The following SNAI3 variants were observed in gnomAD, a reference collection of about 807,000 sequenced individuals.
The protein encoded by SNAI3 is zinc finger protein SNAI3.
Under a neutral mutation model 16.4 loss-of-function variants are expected in SNAI3, and 21 were observed. That is an observed-to-expected ratio of 1.28 (90% confidence interval 0.91 to 1.85). The LOEUF (loss-of-function observed/expected upper bound fraction) is 1.85, where lower values mean the gene tolerates loss of function less well. Ranked by LOEUF, SNAI3 falls within the 40% of genes most tolerant of loss-of-function variation. The pLI is 0.00. For missense variants in SNAI3, 457 were observed against 372.8 expected (o/e 1.23, Z -1.86); for synonymous variants, 202 against 166.6 (o/e 1.21, Z -1.64).
intron 1 of SNAI3, 49 bp downstream of exon 1, chr16:88,686,282 C>T (rs780125750): frequency 1.3e-5 from 20 of 1,595,302 alleles, no homozygotes; most frequent in East Asian, 4.6e-5. Context: ...TCTCTCCCGC[C>T]CCTCAGGGTC....
intron 2 of SNAI3, among the ~76,000 whole-genome samples, chr16:88,680,656 T>A (rs1567626671): frequency 6.6e-6 from 1 of 152,266 alleles, no homozygotes; most frequent in East Asian, 1.9e-4. Context: ...TGGAGTGCAG[T>A]GGCATGACCA....
intron 1 of SNAI3, among the ~76,000 whole-genome samples, chr16:88,682,836 G>A (rs139865117): frequency 0.034 from 4,566 of 133,240 alleles, 212 homozygotes; most frequent in African/African-American, 0.1. Flanking sequence ...GTGCAGTGGC[G>A]TGATCTCGGT....
At position 88,681,164 on chromosome 16, in the gene SNAI3, G is replaced by C. The variant is rs1276471285; in HGVS notation, c.627C>G (p.Cys209Trp). Reference protein sequence around the residue: ...KMHIRTHTLPCTCKICGKAFS... With the variant: ...KMHIRTHTLPWTCKICGKAFS... The stretch of plus-strand genomic sequence containing the variant: ...AGGCCTTGCCACAGATCTTGCAGGT[G>C]CAGGGCAGCGTGTGAGTGCGGATGT... The change falls in exon 2 of 3, where the codon TGC becomes TGG. Residue 209 changes from cysteine (C) to tryptophan (W), a missense_variant. By Grantham distance (215) the Cys-to-Trp change is radical. Coordinates refer to ENST00000332281, the MANE Select transcript of SNAI3 (RefSeq NM_178310.4). This position sits in a 1 kb window ranked among gnomAD's most constrained non-coding sequence, Gnocchi z 5.4. 6.2e-7 allele frequency: 1 copy of C among 1,613,754 alleles called. No individual in the cohort carries two copies. The highest frequency in any genetic ancestry group is 1.3e-5 in the African/African-American group (1 of 74,938).
chr16:88,683,746 G>A (rs1008967001), intron 1 of SNAI3, among the ~76,000 whole-genome samples: 8 of 151,760 alleles, frequency 5.3e-5, no homozygotes, highest in East Asian at 1.9e-4. Context: ...TAGTAGACGC[G>A]GGTTTTTGCC....
In SNAI3 at chr16:88,681,332, C is replaced by G. The variant is rs1909158731; in HGVS notation, c.459G>C (p.Glu153Asp). Residue 153 changes from glutamate (E) to aspartate (D), a missense_variant, in exon 2 of 3, where the codon GAG (glutamate) becomes GAC (aspartate). Coordinates refer to ENST00000332281, the MANE Select transcript of SNAI3 (RefSeq NM_178310.4). This position sits in a 1 kb window ranked among gnomAD's most constrained non-coding sequence, Gnocchi z 5.4. ...ERMPRAPGGF[E>D]CFHCHKPYHT... ...GGTAGGGTTTGTGGCAGTGGAAGCA[C>G]TCAAAGCCGCCCGGGGCTCGGGGCA... The G allele has an allele frequency of 4.3e-6, 7 of 1,613,036 alleles. No individual in the cohort carries two copies. Among genetic ancestry groups the G allele is most frequent in the Non-Finnish European group, 5.9e-6 (7 of 1,179,762 alleles).
Position 88,678,581 on chromosome 16 carries a change from C to T in SNAI3, c.746G>A (p.Arg249His), listed in dbSNP as rs576263427. ...CSHCSRAFAD[R>H]SNLRAHLQTH... is the part of the protein sequence containing the mutation. ...TTGCAGATGGGCCCGAAGGTTGGAG[C>T]GGTCGGCAAAGGCCCTGCTGCAGTG... The change falls in exon 3 of 3, where the codon CGC becomes CAC. Residue 249 changes from arginine to histidine, a missense_variant. Physicochemically the swap from Arg to His is conservative, Grantham distance 29 (BLOSUM62 0). Transcript: ENST00000332281. The T allele has an allele frequency of 1.5e-5, 14 of 948,902 alleles. No individual in the cohort carries two copies. The highest frequency in any genetic ancestry group is 1.2e-4 in the Admixed American group (7 of 59,214). 58.8% of individuals were successfully genotyped at this position (948,902 alleles called of 1,614,324 possible).
chr16:88,679,854 A>C (rs1297182263), intron 2 of SNAI3, among the ~76,000 whole-genome samples: 1 of 151,924 alleles, frequency 6.6e-6, no homozygotes, highest in Non-Finnish European at 1.5e-5. Flanking sequence ...CCAAGGTGAG[A>C]AAATGGATTG....
At chr16:88,684,925 A>C (rs928718480) in intron 1 of SNAI3, among the ~76,000 whole-genome samples, 6 of 152,236 alleles carry the variant, frequency 3.9e-5, no homozygotes, top group Non-Finnish European at 5.9e-5. Context: ...ATCTTGGCAG[A>C]AAGTTGCCAG....
Position 88,684,589 on chromosome 16 carries a change from G to A in SNAI3, c.76+1742C>T, listed in dbSNP as rs1298524281. Among the ~76,000 whole-genome samples the A allele has an allele frequency of 2.0e-5, 3 of 152,152 alleles. 1 individual carries two copies. The highest frequency in any genetic ancestry group is 3.8e-4 in the East Asian group (2 of 5,196). ...TGGCTCACTGCAACCTCCATCTCCC[G>A]GGTTCAAGTGATTCTCCTACCTCAG... On this transcript the variant is annotated intron_variant, in intron 1 of 2. Coordinates refer to ENST00000332281, the MANE Select transcript of SNAI3 (RefSeq NM_178310.4).
chr16:88,685,549 C>G (rs765656637), intron 1 of SNAI3: 6 of 152,290 alleles, frequency 3.9e-5, no homozygotes, highest in Non-Finnish European at 7.3e-5. Flanking sequence ...GGGGACTGCT[C>G]TCACCGCCCG....
intron 1 of SNAI3, chr16:88,685,537 G>C (rs1429784061): frequency 6.6e-6 from 1 of 152,328 alleles, no homozygotes; most frequent in Non-Finnish European, 1.5e-5. Context: ...GCCAAGCCAG[G>C]TGGGGACTGC....
Position 88,681,470 on chromosome 16 carries a change from G to A in SNAI3, c.321C>T (p.Asp107=), listed in dbSNP as rs1247223328. 6.3e-6 allele frequency: 10 copies of A among 1,585,634 alleles called. No homozygotes were observed. The highest frequency in any genetic ancestry group is 8.6e-6 in the Non-Finnish European group (10 of 1,160,588). The change falls in exon 2 of 3, where the codon GAC becomes GAT. Residue 107 remains aspartate (D), a synonymous_variant. Coordinates refer to ENST00000332281, the MANE Select transcript of SNAI3 (RefSeq NM_178310.4). This position sits in a 1 kb window ranked among gnomAD's most constrained non-coding sequence, Gnocchi z 5.4. ...GGGGCAGGTTGAGGTGGTTCAGGCT[G>A]TCTTTGAGGGGTACAATGGCGGCCC... The part of the protein sequence containing the change: ...ASRAAIVPLK[D]SLNHLNLPPL...
In SNAI3 at chr16:88,681,763, G is replaced by A; in HGVS notation, c.77-49C>T. ...TAGAAAGATGAAGACTGAATCCCCA[G>A]CACTTTGTGTTTTCCAACTCTGATT... On this transcript the variant is annotated intron_variant, in intron 1 of 2. Transcript: ENST00000332281. The surrounding 1 kb of genome is among the most constrained non-coding windows in gnomAD (Gnocchi z 5.4). 1 of 1,376,542 alleles carries A rather than the reference G, an allele frequency of 7.3e-7. No individual in the cohort carries two copies. Among genetic ancestry groups the A allele is most frequent in the East Asian group, 2.6e-5 (1 of 38,986 alleles). The allele number at this position is 1,376,542 out of a possible 1,614,324, so 85.3% of individuals were successfully genotyped here. A position where few individuals can be genotyped will look rare whatever the true frequency, so the allele number is the denominator to read the frequency against.
chr16:88,683,852 G>A (rs1024152436), intron 1 of SNAI3, among the ~76,000 whole-genome samples: 2 of 152,138 alleles, frequency 1.3e-5, no homozygotes, highest in African/African-American at 2.4e-5. Flanking sequence ...CACTGCGCCC[G>A]GCCTGGGCAA....
chr16:88,681,664 G>T lies in SNAI3; in HGVS notation c.127C>A (p.Pro43Thr). 6.8e-7 allele frequency: 1 copy of T among 1,478,492 alleles called. No homozygotes were observed. Among genetic ancestry groups the T allele is most frequent in the Non-Finnish European group, 9.0e-7 (1 of 1,112,170 alleles). 91.6% of individuals were successfully genotyped at this position (1,478,492 alleles called of 1,614,324 possible). The change falls in exon 2 of 3, where the codon CCC (proline) becomes ACC (threonine). Residue 43 changes from proline (P) to threonine (T), a missense_variant. By Grantham distance (38) the Pro-to-Thr change is conservative. Coordinates refer to ENST00000332281, the MANE Select transcript of SNAI3 (RefSeq NM_178310.4). The surrounding 1 kb of genome is among the most constrained non-coding windows in gnomAD (Gnocchi z 5.4). The part of the protein sequence containing the change: ...ACGGLVVPLL[P>T]RDKEAPSVPG... The stretch of plus-strand genomic sequence containing the variant: ...ACAGAAGGGGCCTCCTTGTCTCGGG[G>T]GAGGAGGGGCACCACCAGCCCCCCA...
At chr16:88,684,935 G>C (rs1909304929) in intron 1 of SNAI3, among the ~76,000 whole-genome samples, 1 of 152,210 alleles carries the variant, frequency 6.6e-6, no homozygotes, top group East Asian at 1.9e-4. Context: ...AAAGTTGCCA[G>C]GGCCCCCTGG....
chr16:88,678,805 C>T, intron 2 of SNAI3, 176 bp from the exon 3 acceptor site: 4 of 985,468 alleles, frequency 4.1e-6, no homozygotes, highest in Non-Finnish European at 4.8e-6. Flanking sequence ...GAAGCCCCTC[C>T]CAGGAGCACA....
At chr16:88,679,158 G>T in intron 2 of SNAI3, 2 of 935,534 alleles carry the variant, frequency 2.1e-6, no homozygotes, top group African/African-American at 1.8e-5. Context: ...TCAGCCTGCA[G>T]CCCCTGAGGG....
intron 1 of SNAI3, chr16:88,685,259 G>C (rs8060579): frequency 0.92 from 140,807 of 152,336 alleles, 65,102 homozygotes; most frequent in East Asian, 0.99. Context: ...GGGGGTGACT[G>C]ATGAAACTGA....
Sources: allele counts gnomAD v4.1 joint callset (sites outside exome capture counted in the v4.1 genomes callset), GRCh38; gene constraint gnomAD v4.1.1; non-coding constraint Gnocchi (gnomAD v3.1); transcripts MANE v1.5; gene names NCBI Gene and HGNC (gene_info 2026-07-23, HGNC 2026-07-21).